PPP2R2B: variants seen among roughly 807,000 people sequenced by gnomAD.
PPP2R2B encodes the protein serine/threonine-protein phosphatase 2A 55 kDa regulatory subunit B beta isoform.
Under a neutral mutation model 46.0 loss-of-function variants are expected in PPP2R2B, and 5 were observed. That is an observed-to-expected ratio of 0.11 (90% CI 0.06 to 0.23). The LOEUF is 0.23. Ranked by LOEUF, PPP2R2B falls within the 10% of genes least tolerant of loss-of-function variation. The pLI, the probability that PPP2R2B is intolerant of heterozygous loss-of-function variation, is 1.00. For synonymous variants in PPP2R2B, 215 were observed against 206.7 expected (o/e 1.04, Z -0.34); for missense variants, 367 against 575.0 (o/e 0.64, Z 3.70).
At chr5:147,032,298 G>T (rs1013729453) in intron 1 of PPP2R2B, among the ~76,000 whole-genome samples, 1 of 152,132 alleles carries the variant, frequency 6.6e-6, no homozygotes, top group Non-Finnish European at 1.5e-5. Context: ...ATGAAAAAAT[G>T]CTCAACATCA....
rs763154899 is a variant in PPP2R2B at position 146,638,301 on chromosome 5, A to G, written c.740T>C (p.Ile247Thr). Residue 247 changes from isoleucine (I) to threonine (T), a missense_variant, in exon 7 of 10, where the codon ATC becomes ACC. By Grantham distance (89) the Ile-to-Thr change is moderately conservative. Around this residue, in one of 2 missense-constraint regions of PPP2R2B, gnomAD observed 361 missense variants for 545.5 expected, o/e 0.66. Transcript: ENST00000394411. Reference protein sequence around the residue: ...TFVYSSSKGTIRLCDMRASAL... With the variant: ...TFVYSSSKGTTRLCDMRASAL... Reference sequence around the variant, plus strand: ...AGATGCCCGCATGTCACACAGCCGGATTGTCCCTTTGCTGCTGCTGTACAC... The same window carrying G: ...AGATGCCCGCATGTCACACAGCCGGGTTGTCCCTTTGCTGCTGCTGTACAC... 2 of 1,613,956 alleles carry G rather than the reference A, an allele frequency of 1.2e-6. No individual in the cohort carries two copies. Among genetic ancestry groups the G allele is most frequent in the South Asian group, 2.2e-5 (2 of 91,038 alleles).
chr5:146,836,101 A>T (rs1436141720), intron 2 of PPP2R2B, among the ~76,000 whole-genome samples: 1 of 152,166 alleles, frequency 6.6e-6, no homozygotes, highest in East Asian at 1.9e-4. Flanking sequence ...TTATCTTATC[A>T]TTTTGCTAAA....
At position 146,954,423 on chromosome 5, in the gene PPP2R2B, C is replaced by T. The variant is rs537717091; in HGVS notation, c.79+101242G>A. Among the ~76,000 whole-genome samples the T allele has an allele frequency of 1.8e-4, 28 of 152,238 alleles. 1 individual carries two copies. In the South Asian group the frequency reaches 5.2e-3, roughly 28 times the overall value. On this transcript the variant is annotated intron_variant, in intron 1 of 8. Coordinates refer to the PPP2R2B transcript ENST00000336640. ...TCCAGGTCAGGAATGGAAAACCAAACATTGAATGTTCTCACTCATAAGTGG... is the reference window on the plus strand; with the variant it reads ...TCCAGGTCAGGAATGGAAAACCAAATATTGAATGTTCTCACTCATAAGTGG...
chr5:147,018,717 G>T (rs1755122527), intron 1 of PPP2R2B, among the ~76,000 whole-genome samples: 1 of 152,122 alleles, frequency 6.6e-6, no homozygotes, highest in Admixed American at 6.6e-5. Flanking sequence ...CCTTGCAGGA[G>T]AACAAGGGTT....
intron 5 of PPP2R2B, among the ~76,000 whole-genome samples, chr5:146,684,308 T>C (rs979641590): frequency 6.6e-6 from 1 of 152,200 alleles, no homozygotes; most frequent in African/African-American, 2.4e-5. Flanking sequence ...AATTAAAACC[T>C]GGGGCAGTAA....
chr5:146,990,270 C>T (rs1753636386), intron 1 of PPP2R2B, among the ~76,000 whole-genome samples: 1 of 151,600 alleles, frequency 6.6e-6, no homozygotes, highest in Admixed American at 6.6e-5. Flanking sequence ...CCTGAATTAC[C>T]AAATAAATTT....
chr5:147,036,981 G>A (rs147003779), intron 1 of PPP2R2B, among the ~76,000 whole-genome samples: 22 of 152,184 alleles, frequency 1.4e-4, no homozygotes, highest in African/African-American at 5.1e-4. Context: ...TTAATTCCAC[G>A]TTAATCCTAT....
chr5:146,788,275 G>A (rs1267861066), intron 2 of PPP2R2B, among the ~76,000 whole-genome samples: 1 of 151,730 alleles, frequency 6.6e-6, no homozygotes, highest in East Asian at 1.9e-4. Flanking sequence ...CAAATTTTGG[G>A]GATAATGGTA....
rs540932545 is a variant in PPP2R2B, at chr5:146,583,107, G to T, written c.*6840C>A. On this transcript the variant is annotated 3_prime_UTR_variant, in exon 10 of 10. Coordinates refer to ENST00000394411, the MANE Select transcript of PPP2R2B (RefSeq NM_181675.4). ...TAGCATATGCTGTTTTGCCTCCACT[G>T]TCCTATCCTGATGTCTGGAATATGC... The T allele has an allele frequency of 2.0e-5, 3 of 152,028 alleles. No homozygotes were observed. Among genetic ancestry groups the T allele is most frequent in the Non-Finnish European group, 4.4e-5 (3 of 68,032 alleles). 9.4% of individuals were successfully genotyped at this position (152,028 alleles called of 1,614,324 possible).
chr5:146,845,315 T>TTTTTTTTTTTTTTTTTTTTTTTTG (rs1759924138), intron 2 of PPP2R2B, among the ~76,000 whole-genome samples: 1 of 125,506 alleles, frequency 8.0e-6, no homozygotes. Flanking sequence ...CTTTTTTTTG[T>TTTTTTTTTTTTTTTTTTTTTTTTG]TTTTTTTTGA....
chr5:146,672,979 G>C (rs1475226655), intron 5 of PPP2R2B, among the ~76,000 whole-genome samples: 1 of 152,206 alleles, frequency 6.6e-6, no homozygotes, highest in Non-Finnish European at 1.5e-5. Flanking sequence ...AGGTTGCAGG[G>C]AAGCTAAGTT....
intron 2 of PPP2R2B, among the ~76,000 whole-genome samples, chr5:146,849,023 G>T (rs2151380132): frequency 1.3e-5 from 2 of 152,150 alleles, no homozygotes; most frequent in Admixed American, 1.3e-4. Flanking sequence ...CTCCATCAGT[G>T]CAGGCTTTTT....
chr5:146,951,970 G>C, intron 1 of PPP2R2B, among the ~76,000 whole-genome samples: 1 of 147,654 alleles, frequency 6.8e-6, no homozygotes, highest in Non-Finnish European at 1.5e-5. Context: ...AATTTACATA[G>C]AATCTTTTTT....
intron 2 of PPP2R2B, among the ~76,000 whole-genome samples, chr5:146,868,179 A>G (rs975942100): frequency 4.6e-5 from 7 of 152,224 alleles, no homozygotes; most frequent in African/African-American, 1.7e-4. Context: ...TCATGCTGCA[A>G]GGCAGCTCCT....
At chr5:147,012,009 T>C (rs1329451591) in intron 1 of PPP2R2B, among the ~76,000 whole-genome samples, 4 of 148,916 alleles carry the variant, frequency 2.7e-5, no homozygotes, top group Non-Finnish European at 6.0e-5. Context: ...TTTGCATCAA[T>C]GTTCATCAAG....
intron 1 of PPP2R2B, among the ~76,000 whole-genome samples, chr5:146,893,170 G>T (rs1416402417): frequency 3.9e-5 from 6 of 152,150 alleles, no homozygotes; most frequent in Non-Finnish European, 1.5e-5. Flanking sequence ...GCTCTGTAAA[G>T]ACATCTCTGA....
At position 146,856,534 on chromosome 5, in the gene PPP2R2B, A is replaced by T. The variant is rs1402007468; in HGVS notation, c.70+21468T>A. On this transcript the variant is annotated intron_variant, in intron 2 of 9. Transcript: ENST00000394411. ...ATAGGTGTTTTCATCTGGATAATTC[A>T]TGCTTCATTATTGGGCCACTATTCT... The T allele has an allele frequency of 1.9e-6, 3 of 1,612,374 alleles. No individual in the cohort carries two copies. The African/African-American group carries it at 4.0e-5, about 22-fold the overall frequency.
chr5:147,008,411 C>A (rs1350168025), intron 1 of PPP2R2B, among the ~76,000 whole-genome samples: 1 of 152,036 alleles, frequency 6.6e-6, no homozygotes, highest in African/African-American at 2.4e-5. Context: ...TTATGAAACA[C>A]CTTATGAAGG....
Position 146,927,976 on chromosome 5 carries a change from G to A in PPP2R2B, c.79+127689C>T, listed in dbSNP as rs1021066875. On this transcript the variant is annotated intron_variant, in intron 1 of 8. Transcript: ENST00000336640. Reference sequence around the variant, plus strand: ...AGGCTGGTCTCCAACTCCTGACCTCGTGATCCACCCGCCTTGGCCTCCCAA... The same window carrying A: ...AGGCTGGTCTCCAACTCCTGACCTCATGATCCACCCGCCTTGGCCTCCCAA... 4.0e-5 allele frequency among the ~76,000 whole-genome samples: 6 copies of A among 151,890 alleles called. No individual in the cohort carries two copies. In the South Asian group the frequency reaches 1.0e-3, roughly 26 times the overall value.
Sources: gnomAD v4.1 joint callset for allele counts (sites outside exome capture counted in the v4.1 genomes callset) on GRCh38, gnomAD v4.1.1 for gene constraint, gnomAD v4.1.1 regional missense constraint, MANE v1.5 for transcripts, NCBI Gene and HGNC (gene_info 2026-07-23, HGNC 2026-07-21) for gene names.